DSCAML1: variants seen among roughly 807,000 people sequenced by gnomAD.
The protein encoded by DSCAML1 is DS cell adhesion molecule like 1, also known as cell adhesion molecule DSCAML1.
A neutral mutation model predicts 200.5 loss-of-function variants in DSCAML1; 38 were observed. The observed-to-expected ratio is 0.19, with a 90% CI of 0.15 to 0.25. The LOEUF (loss-of-function observed/expected upper bound fraction) is 0.25, where lower values mean the gene tolerates loss of function less well. Ranked by LOEUF, DSCAML1 falls within the 10% of genes least tolerant of loss-of-function variation. DSCAML1 has a pLI of 1.00. For synonymous variants in DSCAML1, 1,215 were observed against 1,165.0 expected (o/e 1.04, Z -0.87); for missense variants, 2,223 against 2,858.8 (o/e 0.78, Z 5.07).
intron 1 of DSCAML1, among the ~76,000 whole-genome samples, chr11:117,784,808 C>T (rs1045242421): frequency 6.6e-6 from 1 of 152,200 alleles, no homozygotes; most frequent in Non-Finnish European, 1.5e-5. Context: ...ATTGCACCAT[C>T]TTAGCTGCCT....
rs1040985266 is a variant in DSCAML1 at position 117,489,494 on chromosome 11, A to AAGGGCT, written c.2360-7338_2360-7333dup. Among the ~76,000 whole-genome samples, 3 of 152,156 alleles carry AAGGGCT rather than the reference A, an allele frequency of 2.0e-5. No individual in the cohort carries two copies. The highest frequency in any genetic ancestry group is 7.2e-5 in the African/African-American group (3 of 41,432). ...ACTTTCTGGGGACTTGAGAGAAGGG[A>AAGGGCT]AGGGCTAGGGCTAGGCACAGTGGTG... On this transcript the variant is annotated intron_variant, in intron 11 of 32. Transcript: ENST00000651296. This position sits in a 1 kb window ranked among gnomAD's most constrained non-coding sequence, Gnocchi z 4.8.
chr11:117,561,773 C>T (rs1056276799), intron 3 of DSCAML1, among the ~76,000 whole-genome samples: 8 of 152,224 alleles, frequency 5.3e-5, no homozygotes, highest in East Asian at 1.9e-4. Context: ...CCCCAGAATG[C>T]CCTGGGCTTA....
intron 15 of DSCAML1, among the ~76,000 whole-genome samples, 189 bp downstream of exon 15, chr11:117,471,680 C>A (rs1480270177): frequency 7.8e-6 from 1 of 128,268 alleles, no homozygotes; most frequent in Non-Finnish European, 1.7e-5. Context: ...TATCTAGAAC[C>A]CCGCTTGGAA....
intron 11 of DSCAML1, among the ~76,000 whole-genome samples, chr11:117,499,179 C>T (rs1282585766): frequency 2.0e-5 from 3 of 152,134 alleles, no homozygotes; most frequent in Admixed American, 6.5e-5. Flanking sequence ...ATGACCTCCT[C>T]CTCCTTTTGG....
chr11:117,671,119 C>A (rs888074132), intron 3 of DSCAML1, among the ~76,000 whole-genome samples: 1 of 152,216 alleles, frequency 6.6e-6, no homozygotes, highest in East Asian at 1.9e-4. Context: ...CACAGCTCCC[C>A]GAGAGGGACA....
At chr11:117,640,579 C>T (rs2052387064) in intron 3 of DSCAML1, among the ~76,000 whole-genome samples, 1 of 152,190 alleles carries the variant, frequency 6.6e-6, no homozygotes, top group Non-Finnish European at 1.5e-5. Flanking sequence ...TCTCTCACAG[C>T]CCCAAGTAAA....
chr11:117,783,990 C>T (rs555097846), intron 1 of DSCAML1, among the ~76,000 whole-genome samples: 4 of 152,328 alleles, frequency 2.6e-5, no homozygotes, highest in South Asian at 2.1e-4. Context: ...TCCTGGGCCT[C>T]GGATCTTGCT....
intron 3 of DSCAML1, among the ~76,000 whole-genome samples, chr11:117,685,494 C>T (rs1438459413): frequency 6.6e-6 from 1 of 152,170 alleles, no homozygotes; most frequent in East Asian, 1.9e-4. Flanking sequence ...TGATGGGGCA[C>T]ATATGCCCCC....
chr11:117,465,189 G>A lies in DSCAML1; in HGVS notation c.3025-7C>T. 6.2e-7 allele frequency: 1 copy of A among 1,612,786 alleles called. No homozygotes were observed. Among genetic ancestry groups the A allele is most frequent in the Non-Finnish European group, 8.5e-7 (1 of 1,179,054 alleles). On this transcript the variant is annotated splice_polypyrimidine_tract_variant and splice_region_variant and intron_variant, in intron 16 of 32. Transcript: ENST00000651296. ...GCAGCTCCTTCTTGGGTGCCTGTGA[G>A]CATGGGGTGGGGGTGGGCACAAAGA...
chr11:117,431,783 G>C, intron 30 of DSCAML1, 55 bp from the exon 31 acceptor site: 1 of 1,481,418 alleles, frequency 6.8e-7, no homozygotes, highest in Non-Finnish European at 9.0e-7. Context: ...CCCAGGCTTG[G>C]GCAGCTGGCA....
intron 3 of DSCAML1, among the ~76,000 whole-genome samples, chr11:117,581,215 A>G (rs1485819949): frequency 2.0e-5 from 3 of 152,216 alleles, no homozygotes; most frequent in Non-Finnish European, 4.4e-5. Flanking sequence ...ATAAGTTACC[A>G]TGGATCACCT....
chr11:117,512,781 A>ACACACACACACACC (rs1565753987), intron 8 of DSCAML1, among the ~76,000 whole-genome samples: 14 of 148,972 alleles, frequency 9.4e-5, no homozygotes, highest in Middle Eastern at 3.4e-3. Context: ...ACACACACAC[A>ACACACACACACACC]CACACACACA....
At position 117,632,050 on chromosome 11, in the gene DSCAML1, A is replaced by G. The variant is rs541684945; in HGVS notation, c.512-99528T>C. On this transcript the variant is annotated intron_variant, in intron 3 of 32. Transcript: ENST00000651296. ...GCCCAGCCCTCTCCCCAGTGGCCAT[A>G]TAGCCTAATGGTTAGGAACTCTGCC... Among the ~76,000 whole-genome samples the G allele has an allele frequency of 1.6e-4, 24 of 152,302 alleles. No homozygotes were observed. The South Asian group carries it at 5.0e-3, about 32-fold the overall frequency.
intron 1 of DSCAML1, among the ~76,000 whole-genome samples, chr11:117,787,966 C>T (rs1261657964): frequency 6.6e-6 from 1 of 152,114 alleles, no homozygotes; most frequent in Non-Finnish European, 1.5e-5. Flanking sequence ...GAGGATCAAC[C>T]AGTAGGGTGA....
chr11:117,728,553 A>G (rs1436837905), intron 3 of DSCAML1, among the ~76,000 whole-genome samples: 2 of 152,186 alleles, frequency 1.3e-5, no homozygotes, highest in Non-Finnish European at 2.9e-5. Context: ...TTAGGAATTC[A>G]TTAATAATTA....
intron 3 of DSCAML1, among the ~76,000 whole-genome samples, chr11:117,682,995 C>T (rs1282363796): frequency 6.6e-6 from 1 of 152,232 alleles, no homozygotes; most frequent in Non-Finnish European, 1.5e-5. Flanking sequence ...TGTCCCTCTG[C>T]TCCTCCACAG....
chr11:117,641,436 C>T (rs537349010), intron 3 of DSCAML1, among the ~76,000 whole-genome samples: 2 of 152,310 alleles, frequency 1.3e-5, no homozygotes, highest in African/African-American at 4.8e-5. Flanking sequence ...TAATGACTTC[C>T]CCTGTGTCTC....
intron 1 of DSCAML1, among the ~76,000 whole-genome samples, chr11:117,794,879 C>T (rs1190295626): frequency 1.3e-5 from 2 of 152,164 alleles, no homozygotes; most frequent in Non-Finnish European, 2.9e-5. Context: ...AACAGACAGA[C>T]GCTGGAGCCT....
chr11:117,577,431 TCCTTCTTTCCTTCCTTCCTTCCTTC>T, intron 3 of DSCAML1, among the ~76,000 whole-genome samples: 6 of 50,480 alleles, frequency 1.2e-4, no homozygotes, highest in Admixed American at 1.6e-4. Context: ...TTTCCTTCCT[TCCTTCTTTCCTTCCTTCCTTCCTTC>T]CTTTCCTTCC....
Sources: gnomAD v4.1 joint callset for allele counts (sites outside exome capture counted in the v4.1 genomes callset) on GRCh38, gnomAD v4.1.1 for gene constraint, Gnocchi (gnomAD v3.1) non-coding constraint, MANE v1.5 for transcripts, NCBI Gene and HGNC (gene_info 2026-07-23, HGNC 2026-07-21) for gene names.